The following CNTN4 variants were observed in gnomAD, a reference collection of about 807,000 sequenced individuals.
CNTN4 encodes contactin-4.
CNTN4 carries 77 observed loss-of-function variants against 122.5 expected under a neutral mutation model. That is an observed-to-expected ratio of 0.63 (90% CI 0.52 to 0.76). CNTN4 has a LOEUF of 0.76. CNTN4 is among the 30% of genes least tolerant of loss of function. The probability of loss-of-function intolerance (pLI) is 0.00; values close to 1 mark genes in which losing one functional copy is unlikely to be tolerated. For missense variants in CNTN4, 1,256 were observed against 1,259.1 expected, an observed-to-expected ratio of 1.00 and a Z score of 0.04; for synonymous variants, 512 against 447.0, an observed-to-expected ratio of 1.15 and a Z score of -1.83.
intron 2 of CNTN4, among the ~76,000 whole-genome samples, chr3:2,272,281 CCTTA>C (rs759700508): frequency 2.1e-4 from 32 of 152,050 alleles, no homozygotes; most frequent in Middle Eastern, 3.4e-3. Flanking sequence ...CTTAAAATGG[CCTTA>C]CTAAGATTTT....
At chr3:2,631,099 G>A (rs1206406438) in intron 4 of CNTN4, among the ~76,000 whole-genome samples, 1 of 152,134 alleles carries the variant, frequency 6.6e-6, no homozygotes, top group Admixed American at 6.5e-5. Context: ...TTTTCTAAGA[G>A]CAATAGCCCT....
chr3:2,104,578 A>T (rs1469186026), intron 2 of CNTN4, among the ~76,000 whole-genome samples: 1 of 152,122 alleles, frequency 6.6e-6, no homozygotes, highest in Admixed American at 6.6e-5. Context: ...GTGTGAGGAG[A>T]TAAATAATCC....
intron 7 of CNTN4, among the ~76,000 whole-genome samples, chr3:2,832,988 G>T (rs1378038194): frequency 6.6e-6 from 1 of 152,150 alleles, no homozygotes; most frequent in African/African-American, 2.4e-5. Flanking sequence ...ACACTATCAT[G>T]ATGACTTGAG....
At chr3:2,766,206 A>T (rs1448696992) in intron 6 of CNTN4, among the ~76,000 whole-genome samples, 1 of 152,148 alleles carries the variant, frequency 6.6e-6, no homozygotes, top group Non-Finnish European at 1.5e-5. Flanking sequence ...TGCCCTGTGG[A>T]TTTCCTTCAC....
chr3:2,296,080 G>T (rs180737970), intron 2 of CNTN4, among the ~76,000 whole-genome samples: 200 of 152,120 alleles, frequency 1.3e-3, no homozygotes, highest in Non-Finnish European at 2.4e-3. Context: ...GGTTACTGTA[G>T]CCTTGTAGTA....
At chr3:2,770,070 C>T (rs1298798755) in intron 6 of CNTN4, among the ~76,000 whole-genome samples, 1 of 150,404 alleles carries the variant, frequency 6.6e-6, no homozygotes, top group Non-Finnish European at 1.5e-5. Flanking sequence ...CACTCTCTTG[C>T]CCAAGCTGGA....
At chr3:2,294,645 C>A (rs935334579) in intron 2 of CNTN4, among the ~76,000 whole-genome samples, 6 of 151,760 alleles carry the variant, frequency 4.0e-5, no homozygotes, top group African/African-American at 1.5e-4. Flanking sequence ...ACAACAACAA[C>A]AAAAAAGAAT....
At chr3:2,515,147 C>T (rs946377890) in intron 3 of CNTN4, among the ~76,000 whole-genome samples, 13 of 152,244 alleles carry the variant, frequency 8.5e-5, no homozygotes, top group African/African-American at 3.1e-4. Context: ...CAATGACTTA[C>T]TGATATACTG....
chr3:2,744,355 A>T (rs2089640248), intron 5 of CNTN4, among the ~76,000 whole-genome samples: 1 of 152,182 alleles, frequency 6.6e-6, no homozygotes, highest in Admixed American at 6.6e-5. Context: ...TTATAAGATG[A>T]TACACAGTGA....
chr3:2,807,677 T>G (rs2092502239), intron 6 of CNTN4, among the ~76,000 whole-genome samples: 1 of 152,108 alleles, frequency 6.6e-6, no homozygotes. Context: ...GTCCAGTTTC[T>G]TAGGAGCAAT....
intron 3 of CNTN4, among the ~76,000 whole-genome samples, chr3:2,393,124 A>G (rs1263621432): frequency 2.0e-5 from 3 of 152,062 alleles, no homozygotes; most frequent in Admixed American, 6.6e-5. Context: ...TTTGCCTGCG[A>G]TCTTTGGAAT....
At chr3:2,520,703 A>C (rs2077181246) in intron 3 of CNTN4, among the ~76,000 whole-genome samples, 1 of 150,472 alleles carries the variant, frequency 6.6e-6, no homozygotes, top group African/African-American at 2.4e-5. Context: ...ATAGAGCCTA[A>C]ATTCCATTTA....
chr3:2,574,734 A>G (rs1239093188), intron 4 of CNTN4, among the ~76,000 whole-genome samples: 4 of 152,188 alleles, frequency 2.6e-5, no homozygotes. Flanking sequence ...GTAAAAGTGT[A>G]CAGTGCAACA....
chr3:2,683,349 CA>C (rs2085264446), intron 4 of CNTN4, among the ~76,000 whole-genome samples: 1 of 151,984 alleles, frequency 6.6e-6, no homozygotes, highest in Non-Finnish European at 1.5e-5. Context: ...CACACACACA[CA>C]CACGCAGGTG....
chr3:2,412,115 A>G (rs1248504995), intron 3 of CNTN4, among the ~76,000 whole-genome samples: 1 of 151,964 alleles, frequency 6.6e-6, no homozygotes, highest in East Asian at 1.9e-4. Context: ...TCAACATACT[A>G]TTTTTTGAGA....
chr3:2,888,047 G>A (rs981917161), intron 10 of CNTN4, among the ~76,000 whole-genome samples: 1 of 152,192 alleles, frequency 6.6e-6, no homozygotes, highest in African/African-American at 2.4e-5. Flanking sequence ...AATGATGAGA[G>A]TAGTTCTGTA....
At chr3:2,721,320 A>G (rs2087838691) in intron 4 of CNTN4, among the ~76,000 whole-genome samples, 1 of 152,116 alleles carries the variant, frequency 6.6e-6, no homozygotes, top group Admixed American at 6.6e-5. Flanking sequence ...GCATCCCTTA[A>G]GAGAGAGAAA....
intron 2 of CNTN4, among the ~76,000 whole-genome samples, chr3:2,195,363 G>A (rs1254131470): frequency 6.6e-6 from 1 of 152,144 alleles, no homozygotes; most frequent in African/African-American, 2.4e-5. Flanking sequence ...TAGCCATTGT[G>A]AAAAATGCTT....
chr3:2,377,636 C>T (rs890681650), intron 3 of CNTN4, among the ~76,000 whole-genome samples: 6 of 152,158 alleles, frequency 3.9e-5, no homozygotes, highest in South Asian at 2.1e-4. Flanking sequence ...TGAAGATACC[C>T]GGAATATTTA....
Sources: allele counts gnomAD v4.1 joint callset (sites outside exome capture counted in the v4.1 genomes callset), GRCh38; gene constraint gnomAD v4.1.1; transcripts MANE v1.5; gene names NCBI Gene and HGNC (gene_info 2026-07-23, HGNC 2026-07-21).